The following PLBD2 variants were observed in gnomAD, a reference collection of about 807,000 sequenced individuals.
PLBD2 encodes the protein phospholipase B domain containing 2, also known as putative aminopeptidase PLBD2.
In PLBD2, 51 loss-of-function variants were observed where a neutral mutation model predicts 68.3. The ratio of observed to expected loss-of-function variants is 0.75; its 90% CI spans 0.60 to 0.94. The LOEUF is 0.94. PLBD2 is among the 40% of genes least tolerant of loss of function. The pLI is 0.00. For missense variants in PLBD2, 729 were observed against 792.2 expected, an observed-to-expected ratio of 0.92 and a Z score of 0.96; for synonymous variants, 314 against 339.3, an observed-to-expected ratio of 0.93 and a Z score of 0.82.
rs578041882 is a variant in PLBD2, at chr12:113,390,769, A to G, written c.*2143A>G. ...TTCCAACCATTTATCCACCCATCCAACCATTTCCATCTGTTCATTTCCATC... is the reference window on the plus strand; with the variant it reads ...TTCCAACCATTTATCCACCCATCCAGCCATTTCCATCTGTTCATTTCCATC... On this transcript the variant is annotated 3_prime_UTR_variant, in exon 12 of 12. Transcript: ENST00000280800. 2.7e-5 allele frequency: 4 copies of G among 148,440 alleles called. No individual in the cohort carries two copies. Among genetic ancestry groups the G allele is most frequent in the African/African-American group, 1.0e-4 (4 of 39,992 alleles). The allele number at this position is 148,440 out of a possible 1,614,324, so 9.2% of individuals were successfully genotyped here.
chr12:113,380,100 ATTTGT>A (rs1957472548), intron 5 of PLBD2, among the ~76,000 whole-genome samples: 1 of 152,090 alleles, frequency 6.6e-6, no homozygotes, highest in Non-Finnish European at 1.5e-5. Flanking sequence ...TATTTTTAAA[ATTTGT>A]TTTATCTTTT....
Position 113,374,524 on chromosome 12 carries a change from C to T in PLBD2, c.594C>T (p.Gly198=), listed in dbSNP as rs1286689530. ...QLKGLEDSYE[G]RVSFPAGKFT... ...AAGGCCTGGAGGACAGCTACGAAGGCCGTGTGAGCTTCCCAGCTGGGAAGT... is the reference window on the plus strand; with the variant it reads ...AAGGCCTGGAGGACAGCTACGAAGGTCGTGTGAGCTTCCCAGCTGGGAAGT... The change falls in exon 4 of 12, where the codon GGC becomes GGT. Residue 198 remains glycine (G), a synonymous_variant. Coordinates refer to ENST00000280800, the MANE Select transcript of PLBD2 (RefSeq NM_173542.4). 1 of 1,607,242 alleles carries T rather than the reference C, an allele frequency of 6.2e-7. No individual in the cohort carries two copies. The highest frequency in any genetic ancestry group is 8.5e-7 in the Non-Finnish European group (1 of 1,177,390).
chr12:113,359,865 G>T (rs1957274186), intron 1 of PLBD2, among the ~76,000 whole-genome samples: 1 of 152,200 alleles, frequency 6.6e-6, no homozygotes, highest in Non-Finnish European at 1.5e-5. Context: ...GCAGGGCCCA[G>T]ACGCTGGATC....
chr12:113,375,418 C>T (rs1957431863), intron 5 of PLBD2, among the ~76,000 whole-genome samples: 1 of 152,244 alleles, frequency 6.6e-6, no homozygotes, highest in South Asian at 2.1e-4. Flanking sequence ...TCCCAAAGTG[C>T]TGTGATTACT....
At chr12:113,363,154 G>T (rs1397545926) in intron 1 of PLBD2, among the ~76,000 whole-genome samples, 3 of 152,066 alleles carry the variant, frequency 2.0e-5, no homozygotes, top group Non-Finnish European at 4.4e-5. Flanking sequence ...TGTTTTTCTG[G>T]CCGGGCGCTG....
intron 5 of PLBD2, chr12:113,376,834 GT>G (rs896587452): frequency 4.6e-5 from 7 of 152,196 alleles, no homozygotes; most frequent in Admixed American, 3.3e-4. Context: ...GAAAAAAACA[GT>G]TTTACAGTCA....
chr12:113,361,390 AG>A (rs2136897503), intron 1 of PLBD2, among the ~76,000 whole-genome samples: 1 of 130,812 alleles, frequency 7.6e-6, no homozygotes, highest in East Asian at 2.2e-4. Flanking sequence ...TCCAGGCTCG[AG>A]TGCAGTGGTA....
intron 6 of PLBD2, among the ~76,000 whole-genome samples, chr12:113,381,848 GTCTC>G (rs1435874982): frequency 1.3e-5 from 2 of 151,830 alleles, no homozygotes; most frequent in African/African-American, 4.9e-5. Context: ...TAGAGATAGG[GTCTC>G]TCTCTGTCAC....
intron 1 of PLBD2, among the ~76,000 whole-genome samples, chr12:113,367,710 C>T (rs943845097): frequency 2.7e-5 from 4 of 148,092 alleles, no homozygotes; most frequent in South Asian, 2.1e-4. Flanking sequence ...AAGATCATGC[C>T]GCTGCACTTC....
intron 6 of PLBD2, among the ~76,000 whole-genome samples, chr12:113,383,801 C>T (rs1300755879): frequency 1.3e-5 from 2 of 151,330 alleles, no homozygotes; most frequent in East Asian, 4.0e-4. Flanking sequence ...AGGAGTTAGA[C>T]CAGCCTAGCC....
intron 2 of PLBD2, among the ~76,000 whole-genome samples, chr12:113,371,878 C>G (rs1288937262): frequency 6.6e-6 from 1 of 152,222 alleles, no homozygotes; most frequent in Non-Finnish European, 1.5e-5. Context: ...TGCTGCCTCC[C>G]CCTCTAGCCT....
intron 3 of PLBD2, among the ~76,000 whole-genome samples, chr12:113,373,753 A>G (rs577176076): frequency 1.5e-5 from 2 of 133,562 alleles, no homozygotes; most frequent in Admixed American, 8.7e-5. Context: ...CTACATATCT[A>G]TCCATTCGCT....
intron 6 of PLBD2, among the ~76,000 whole-genome samples, chr12:113,381,845 A>G (rs1957494036): frequency 6.6e-6 from 1 of 151,744 alleles, no homozygotes; most frequent in African/African-American, 2.4e-5. Flanking sequence ...TCATAGAGAT[A>G]GGGTCTCTCT....
In PLBD2 at chr12:113,385,268, C is replaced by T; in HGVS notation, c.1271C>T (p.Ala424Val). ...GAGCTCTACCAGAAGACCTACTGGGCCAGCTACAACATACCGTGCGTGCCT... is the reference window on the plus strand; with the variant it reads ...GAGCTCTACCAGAAGACCTACTGGGTCAGCTACAACATACCGTGCGTGCCT... ...TSELYQKTYWASYNIPSFETV... is the reference protein window; with the variant it reads ...TSELYQKTYWVSYNIPSFETV... The change falls in exon 9 of 12, where the codon GCC becomes GTC. Residue 424 changes from alanine (A) to valine (V), a missense_variant. Physicochemically the swap from Ala to Val is moderately conservative, Grantham distance 64. Transcript: ENST00000280800. 1 of 1,614,120 alleles carries T rather than the reference C, an allele frequency of 6.2e-7. No individual in the cohort carries two copies. The highest frequency in any genetic ancestry group is 8.5e-7 in the Non-Finnish European group (1 of 1,179,974).
intron 5 of PLBD2, among the ~76,000 whole-genome samples, chr12:113,378,399 T>C (rs553618386): frequency 2.0e-5 from 3 of 152,224 alleles, no homozygotes; most frequent in East Asian, 3.9e-4. Flanking sequence ...AATGTTTGCT[T>C]TCTGAGTTTT....
intron 3 of PLBD2, among the ~76,000 whole-genome samples, chr12:113,373,760 C>T (rs541464071): frequency 5.9e-5 from 8 of 135,938 alleles, no homozygotes; most frequent in African/African-American, 8.1e-5. Flanking sequence ...TCTATCCATT[C>T]GCTCACTCAC....
chr12:113,373,419 G>GCA (rs1434173074), intron 3 of PLBD2, among the ~76,000 whole-genome samples: 2 of 152,222 alleles, frequency 1.3e-5, no homozygotes, highest in Admixed American at 6.5e-5. Flanking sequence ...CTGTTAGCAT[G>GCA]TCTGCCTAGC....
chr12:113,382,883 T>G (rs1957509679), intron 6 of PLBD2, among the ~76,000 whole-genome samples: 2 of 142,218 alleles, frequency 1.4e-5, no homozygotes, highest in African/African-American at 5.4e-5. Context: ...TTTTTTTTTT[T>G]TTTTTTTAGA....
chr12:113,377,554 T>A (rs925176201), intron 5 of PLBD2, among the ~76,000 whole-genome samples: 37 of 152,316 alleles, frequency 2.4e-4, no homozygotes, highest in African/African-American at 8.2e-4. Context: ...GCCTCCTGAG[T>A]AGCTGGGATT....
Sources: gnomAD v4.1 joint callset for allele counts (sites outside exome capture counted in the v4.1 genomes callset) on GRCh38, gnomAD v4.1.1 for gene constraint, MANE v1.5 for transcripts, NCBI Gene and HGNC (gene_info 2026-07-23, HGNC 2026-07-21) for gene names.